CFAP65: variants seen among roughly 807,000 people sequenced by gnomAD.
The protein encoded by CFAP65 is cilia and flagella associated protein 65.
CFAP65 carries 155 observed loss-of-function variants against 208.0 expected under a neutral mutation model. The ratio of observed to expected loss-of-function variants is 0.75; its 90% CI spans 0.65 to 0.85. CFAP65 has a LOEUF of 0.85. CFAP65 is among the 40% of genes least tolerant of loss of function. The probability of loss-of-function intolerance (pLI) is 0.00; values close to 1 mark genes in which losing one functional copy is unlikely to be tolerated. For synonymous variants in CFAP65, 970 were observed against 986.3 expected (o/e 0.98, Z 0.31); for missense variants, 2,294 against 2,451.3 (o/e 0.94, Z 1.36).
rs1471441254 is a variant in CFAP65, at chr2:219,029,521, G to A, written c.1532C>T (p.Thr511Ile). ...FAIDCLESVF[T>I]IRPAFGTLVG... ...CAGCGTCCCAAAGGCAGGCCTGATGGTAAAGACACTCTCCAAGCAGTCGAT... is the reference window on the plus strand; with the variant it reads ...CAGCGTCCCAAAGGCAGGCCTGATGATAAAGACACTCTCCAAGCAGTCGAT... Residue 511 changes from threonine (T) to isoleucine (I), a missense_variant, in exon 11 of 35, where the codon ACC (threonine) becomes ATC (isoleucine). Transcript: ENST00000341552. 6.2e-7 allele frequency: 1 copy of A among 1,614,016 alleles called. No individual in the cohort carries two copies. The highest frequency in any genetic ancestry group is 8.5e-7 in the Non-Finnish European group (1 of 1,180,028).
chr2:219,024,233 G>T lies in CFAP65; in HGVS notation c.2377C>A (p.Pro793Thr). ...KLFPAVSSGE[P>T]TYRSLLLVNK... is the part of the protein sequence containing the mutation. The stretch of plus-strand genomic sequence containing the variant: ...ACCAGGAGCAGGCTGCGGTAGGTGG[G>T]CTCACCGGAGGACACTGCTGGAAAT... Residue 793 changes from proline to threonine, a missense_variant, in exon 15 of 35, where the codon CCC becomes ACC. Physicochemically the swap from Pro to Thr is conservative, Grantham distance 38. Coordinates refer to ENST00000341552, the MANE Select transcript of CFAP65 (RefSeq NM_194302.4). 1 of 1,613,440 alleles carries T rather than the reference G, an allele frequency of 6.2e-7. No individual in the cohort carries two copies. Among genetic ancestry groups the T allele is most frequent in the Non-Finnish European group, 8.5e-7 (1 of 1,179,946 alleles).
intron 19 of CFAP65, among the ~76,000 whole-genome samples, chr2:219,020,685 T>G (rs1258371113): frequency 6.6e-6 from 1 of 152,138 alleles, no homozygotes; most frequent in Non-Finnish European, 1.5e-5. Flanking sequence ...CAGCTTATTA[T>G]CCCCATTTGA....
Position 219,029,635 on chromosome 2 carries a change from T to A in CFAP65, c.1418A>T (p.Asn473Ile). Residue 473 changes from asparagine (N) to isoleucine (I), a missense_variant, in exon 11 of 35, where the codon AAC (asparagine) becomes ATC (isoleucine). Transcript: ENST00000341552. ...CTCCCCAAGGTTGACCCAGCTGAAG[T>A]TGACACAGTAGTGCTGCAGGGACAC... ...PAVSLQHYCV[N>I]FSWVNLGERS... is the part of the protein sequence containing the mutation. The A allele has an allele frequency of 6.2e-7, 1 of 1,613,990 alleles. No individual in the cohort carries two copies. Among genetic ancestry groups the A allele is most frequent in the Non-Finnish European group, 8.5e-7 (1 of 1,179,978 alleles).
At chr2:219,022,413 G>C in intron 16 of CFAP65, 84 bp from the exon 17 acceptor site, 1 of 1,451,816 alleles carries the variant, frequency 6.9e-7, no homozygotes, top group Admixed American at 2.0e-5. Context: ...ATGGCAGGGC[G>C]TCATGCTACG....
chr2:219,031,522 G>T lies in CFAP65; in HGVS notation c.782C>A (p.Thr261Lys). The T allele has an allele frequency of 6.2e-7, 1 of 1,614,214 alleles. No homozygotes were observed. The highest frequency in any genetic ancestry group is 8.5e-7 in the Non-Finnish European group (1 of 1,180,038). Residue 261 changes from threonine to lysine, a missense_variant, in exon 7 of 35, where the codon ACG becomes AAG. Thr to Lys is a moderately conservative substitution (Grantham distance 78, BLOSUM62 -1). Around this residue, in one of 2 missense-constraint regions of CFAP65, gnomAD observed 867 missense variants for 1,012.6 expected, o/e 0.86. Coordinates refer to ENST00000341552, the MANE Select transcript of CFAP65 (RefSeq NM_194302.4). This position sits in a 1 kb window ranked among gnomAD's most constrained non-coding sequence, Gnocchi z 5.2. The part of the protein sequence containing the change: ...LQLPMCAVGD[T>K]TEAFFCLDNV... The stretch of plus-strand genomic sequence containing the variant: ...ATCCAGGCAGAAAAAGGCCTCAGTC[G>T]TATCTCCCACAGCACACATGGGCAG...
intron 31 of CFAP65, among the ~76,000 whole-genome samples, 191 bp from the exon 32 acceptor site, chr2:219,005,753 G>T (rs73993391): frequency 0.02 from 3,065 of 152,258 alleles, 106 homozygotes; most frequent in African/African-American, 0.07. Flanking sequence ...ACGGGAGCTA[G>T]AGAGACTCCC....
intron 1 of CFAP65, 40 bp from the exon 2 acceptor site, chr2:219,040,604 G>A (rs1332760958): frequency 3.2e-6 from 5 of 1,552,224 alleles, no homozygotes; most frequent in East Asian, 4.9e-5. Context: ...TTTCTGCCAC[G>A]GGATGGTCTT....
intron 17 of CFAP65, 25 bp downstream of exon 17, chr2:219,022,146 C>T (rs763310732): frequency 1.5e-5 from 23 of 1,546,674 alleles, no homozygotes; most frequent in Admixed American, 1.9e-5. Context: ...CCCCAGCCCC[C>T]TCCTGCCAGA....
rs574552324 is a variant in CFAP65, at chr2:219,011,435, C to T, written c.3958-439G>A. ...GACCACAGGCATGCACTACCACACA[C>T]AGCTGCTTCAAAAATATATATATTT... On this transcript the variant is annotated intron_variant, in intron 24 of 34. Transcript: ENST00000341552. Among the ~76,000 whole-genome samples, 4 of 152,072 alleles carry T rather than the reference C, an allele frequency of 2.6e-5. No individual in the cohort carries two copies. The East Asian group carries it at 7.7e-4, about 29-fold the overall frequency.
Position 219,003,339 on chromosome 2 carries a change from C to G in CFAP65, c.5556-67G>C, listed in dbSNP as rs920993065. On this transcript the variant is annotated intron_variant, in intron 33 of 34. Coordinates refer to ENST00000341552, the MANE Select transcript of CFAP65 (RefSeq NM_194302.4). This position sits in a 1 kb window ranked among gnomAD's most constrained non-coding sequence, Gnocchi z 4.4. ...CCGCGCGCCTCCTCGCTCGCCTGTC[C>G]GTGCGGTACATTGTGCCGCGAGCTC... 33 of 1,462,990 alleles carry G rather than the reference C, an allele frequency of 2.3e-5. No individual in the cohort carries two copies. The highest frequency in any genetic ancestry group is 1.0e-4 in the Admixed American group (4 of 39,328). The allele number at this position is 1,462,990 out of a possible 1,614,324, so 90.6% of individuals were successfully genotyped here.
chr2:219,012,356 G>A (rs1029770275), intron 24 of CFAP65, among the ~76,000 whole-genome samples: 42 of 152,282 alleles, frequency 2.8e-4, no homozygotes, highest in Non-Finnish European at 1.6e-4. Context: ...TTAGCAAATG[G>A]CACTATGTAT....
chr2:219,006,425 A>C, intron 30 of CFAP65, 40 bp downstream of exon 30: 1 of 1,612,122 alleles, frequency 6.2e-7, no homozygotes. Context: ...GACCCTCCCA[A>C]GTTGTCCCAA....
chr2:219,008,352 G>A (rs1284241270), intron 29 of CFAP65, among the ~76,000 whole-genome samples: 2 of 152,184 alleles, frequency 1.3e-5, no homozygotes, highest in Non-Finnish European at 2.9e-5. Flanking sequence ...TACATAGGTT[G>A]ACTGAGATCA....
Position 219,038,916 on chromosome 2 carries a change from C to T in CFAP65, c.133G>A (p.Glu45Lys). Residue 45 changes from glutamate (E) to lysine (K), a missense_variant, in exon 3 of 35, where the codon GAG becomes AAG. By Grantham distance (56) the Glu-to-Lys change is moderately conservative (BLOSUM62 1). This residue lies in a region of CFAP65 where 867 missense variants were observed against 1,012.6 expected (regional missense o/e 0.86). Transcript: ENST00000341552. ...RGKSVQKKQAESKSQIKLHTQ... is the reference protein window; with the variant it reads ...RGKSVQKKQAKSKSQIKLHTQ... The stretch of plus-strand genomic sequence containing the variant: ...ATTACCTTTATCTGGCTTTTACTCT[C>T]TGCTTGTTTCTTCTGAACACTCTTG... 5 of 1,611,216 alleles carry T rather than the reference C, an allele frequency of 3.1e-6. No homozygotes were observed. The highest frequency in any genetic ancestry group is 4.2e-6 in the Non-Finnish European group (5 of 1,178,708).
In CFAP65 at chr2:219,010,820, C is replaced by T. The variant is rs1000243978; in HGVS notation, c.4134G>A (p.Glu1378=). 3.1e-6 allele frequency: 5 copies of T among 1,606,460 alleles called. No individual in the cohort carries two copies. Among genetic ancestry groups the T allele is most frequent in the Non-Finnish European group, 3.4e-6 (4 of 1,175,136 alleles). The part of the protein sequence containing the change: ...ARVLWIFSPI[E]AKTYTVDVPI... ...TGCTGCTCACCGTGTAGGTCTTGGC[C>T]TCGATAGGTGAGAAGATCCACAAGA... Residue 1378 remains glutamate (E), a synonymous_variant, in exon 25 of 35, where the codon GAG becomes GAA. Coordinates refer to ENST00000341552, the MANE Select transcript of CFAP65 (RefSeq NM_194302.4).
Position 219,040,978 on chromosome 2 carries a change from G to A in CFAP65, c.-48-414C>T, listed in dbSNP as rs199758675. 2.0e-3 allele frequency among the ~76,000 whole-genome samples: 30 copies of A among 15,006 alleles called. 1 individual carries two copies. Among genetic ancestry groups the A allele is most frequent in the Non-Finnish European group, 1.1e-3 (4 of 3,770 alleles). 9.8% of individuals were successfully genotyped at this position (15,006 alleles called of 152,430 possible). A position where few individuals can be genotyped will look rare whatever the true frequency, so the allele number is the denominator to read the frequency against. On this transcript the variant is annotated intron_variant, in intron 1 of 34. Coordinates refer to ENST00000341552, the MANE Select transcript of CFAP65 (RefSeq NM_194302.4). ...ATTTGAAAAAGCACTAAACAAACAC[G>A]TTATAGTAATTAACAACCATAACTT...
chr2:219,014,547 C>G (rs1469069510), intron 21 of CFAP65: 1 of 153,190 alleles, frequency 6.5e-6, no homozygotes, highest in Non-Finnish European at 1.5e-5. Context: ...CCCTGACATG[C>G]CTAGGACTGC....
In CFAP65 at chr2:219,032,328, G is replaced by A. The variant is rs574701176; in HGVS notation, c.645+142C>T. The A allele has an allele frequency of 2.8e-5, 18 of 649,804 alleles. No individual in the cohort carries two copies. The highest frequency in any genetic ancestry group is 3.9e-5 in the Non-Finnish European group (15 of 383,636). 40.3% of individuals were successfully genotyped at this position (649,804 alleles called of 1,614,324 possible). On this transcript the variant is annotated intron_variant, in intron 6 of 34. Coordinates refer to ENST00000341552, the MANE Select transcript of CFAP65 (RefSeq NM_194302.4). The surrounding 1 kb of genome is among the most constrained non-coding windows in gnomAD (Gnocchi z 5.5). ...TGAGATGAGGGGCTAAGCCCTTGAC[G>A]GGGCCTCCCAAGCTGGATTGCTGCT...
intron 31 of CFAP65, 69 bp downstream of exon 31, chr2:219,005,952 C>A (rs1384665422): frequency 1.0e-5 from 15 of 1,504,514 alleles, no homozygotes; most frequent in Admixed American, 1.9e-5. Flanking sequence ...GTCTGGGCAG[C>A]CCCTGCTCTG....
Sources: allele counts gnomAD v4.1 joint callset (sites outside exome capture counted in the v4.1 genomes callset), GRCh38; gene constraint gnomAD v4.1.1; regional missense constraint gnomAD v4.1.1; non-coding constraint Gnocchi (gnomAD v3.1); transcripts MANE v1.5; gene names NCBI Gene and HGNC (gene_info 2026-07-23, HGNC 2026-07-21).